Variants in MARCHF10 observed in about 807,000 individuals in gnomAD.
MARCHF10 encodes the protein probable E3 ubiquitin-protein ligase MARCHF10.
A neutral mutation model predicts 76.2 loss-of-function variants in MARCHF10; 64 were observed. That is an observed-to-expected ratio of 0.84 (90% CI 0.69 to 1.03). The LOEUF (loss-of-function observed/expected upper bound fraction) is 1.03, where lower values mean the gene tolerates loss of function less well. MARCHF10 is among the 50% of genes least tolerant of loss of function. MARCHF10 has a pLI of 0.00. For synonymous variants in MARCHF10, 340 were observed against 357.5 expected (o/e 0.95, Z 0.55); for missense variants, 875 against 958.0 (o/e 0.91, Z 1.14).
intron 4 of MARCHF10, among the ~76,000 whole-genome samples, chr17:62,746,387 G>A (rs1023628096): frequency 4.6e-5 from 7 of 152,118 alleles, no homozygotes; most frequent in African/African-American, 1.2e-4. Flanking sequence ...TTGGGATGGC[G>A]TAGGATGTTG....
At chr17:62,773,863 C>T (rs1334674273) in intron 3 of MARCHF10, among the ~76,000 whole-genome samples, 1 of 152,244 alleles carries the variant, frequency 6.6e-6, no homozygotes, top group Non-Finnish European at 1.5e-5. Context: ...CTTTCAGCGG[C>T]ATCACTTTTG....
At chr17:62,793,612 C>T (rs1322027326) in intron 2 of MARCHF10, among the ~76,000 whole-genome samples, 1 of 148,734 alleles carries the variant, frequency 6.7e-6, no homozygotes, top group East Asian at 2.0e-4. Flanking sequence ...CTATCACCAC[C>T]ACCACCTCCA....
chr17:62,793,835 CCAA>C (rs1266441721), intron 2 of MARCHF10, among the ~76,000 whole-genome samples: 26 of 150,022 alleles, frequency 1.7e-4, no homozygotes, highest in African/African-American at 3.4e-4. Flanking sequence ...TCCATCACCA[CCAA>C]CACCTCCATC....
intron 3 of MARCHF10, 92 bp downstream of exon 3, chr17:62,788,385 TGAG>T: frequency 1.3e-6 from 2 of 1,510,758 alleles, no homozygotes; most frequent in Admixed American, 1.8e-5. Flanking sequence ...ATCTCCTTTT[TGAG>T]TTGGCTTTTT....
chr17:62,790,475 C>T (rs1236345586), intron 2 of MARCHF10, among the ~76,000 whole-genome samples: 1 of 152,362 alleles, frequency 6.6e-6, no homozygotes, highest in East Asian at 1.9e-4. Context: ...CACACCCAGC[C>T]CAGTAAAACT....
intron 3 of MARCHF10, among the ~76,000 whole-genome samples, chr17:62,763,222 T>C (rs925643896): frequency 1.3e-5 from 2 of 152,208 alleles, no homozygotes; most frequent in Non-Finnish European, 2.9e-5. Context: ...ACTAGCTAAC[T>C]ACTGAACATT....
intron 4 of MARCHF10, 99 bp downstream of exon 4, chr17:62,759,736 G>A: frequency 8.0e-7 from 1 of 1,252,296 alleles, no homozygotes; most frequent in Non-Finnish European, 1.1e-6. Context: ...CTCTCAAAGT[G>A]CTGGGATTAC....
At chr17:62,755,669 C>T (rs777035753) in intron 4 of MARCHF10, among the ~76,000 whole-genome samples, 1 of 152,212 alleles carries the variant, frequency 6.6e-6, no homozygotes, top group Non-Finnish European at 1.5e-5. Flanking sequence ...GACTCACTGC[C>T]TGAATTTTCC....
chr17:62,796,392 C>T (rs1195023555), intron 2 of MARCHF10, among the ~76,000 whole-genome samples: 1 of 152,238 alleles, frequency 6.6e-6, no homozygotes, highest in Non-Finnish European at 1.5e-5. Flanking sequence ...CTGCTCCCTG[C>T]AAAGCAGTTA....
chr17:62,771,765 C>T (rs997625066), intron 3 of MARCHF10, among the ~76,000 whole-genome samples: 27 of 151,658 alleles, frequency 1.8e-4, no homozygotes, highest in Middle Eastern at 3.2e-3. Flanking sequence ...TTATTAGAGA[C>T]GGAGTTTTGC....
At chr17:62,747,039 C>A in intron 4 of MARCHF10, 1 of 1,207,340 alleles carries the variant, frequency 8.3e-7, no homozygotes. Flanking sequence ...TTTAAATATT[C>A]TAAAATTGCT....
chr17:62,801,533 G>C (rs2093073189), intron 2 of MARCHF10, 113 bp downstream of exon 2: 2 of 838,296 alleles, frequency 2.4e-6, no homozygotes, highest in Non-Finnish European at 4.0e-6. Context: ...CCTAATCGGT[G>C]GGTTTGGATT....
chr17:62,736,902 T>G lies in MARCHF10; in HGVS notation c.966A>C (p.Thr322=). The G allele has an allele frequency of 6.2e-7, 1 of 1,614,076 alleles. No individual in the cohort carries two copies. The highest frequency in any genetic ancestry group is 2.2e-5 in the East Asian group (1 of 44,880). ...TTTTATTTTTGGCCTGAGGGGTCGA[T>G]GTCCCCCCAAATCTACTTCTTTTGT... is the stretch of plus-strand genomic sequence containing the variant. ...SHHKRSRFGG[T]STPQAKNKNF... The change falls in exon 6 of 11, where the codon ACA becomes ACC. Residue 322 remains threonine, a synonymous_variant. Coordinates refer to ENST00000311269, the MANE Select transcript of MARCHF10 (RefSeq NM_152598.4).
chr17:62,773,861 G>A (rs539676408), intron 3 of MARCHF10, among the ~76,000 whole-genome samples: 15 of 152,296 alleles, frequency 9.8e-5, no homozygotes, highest in African/African-American at 2.4e-4. Context: ...GCCTTTCAGC[G>A]GCATCACTTT....
chr17:62,795,200 A>C (rs1443764195), intron 2 of MARCHF10: 2 of 202,864 alleles, frequency 9.9e-6, no homozygotes, highest in African/African-American at 2.4e-5. Context: ...CACTTTAAAG[A>C]ATCAAGATGA....
intron 5 of MARCHF10, among the ~76,000 whole-genome samples, chr17:62,743,612 C>T (rs2147857120): frequency 6.6e-6 from 1 of 152,230 alleles, no homozygotes; most frequent in East Asian, 1.9e-4. Flanking sequence ...CACTGCACTC[C>T]AGCCTGGGCA....
chr17:62,702,333 G>C (rs752920283), intron 10 of MARCHF10, among the ~76,000 whole-genome samples: 1 of 151,354 alleles, frequency 6.6e-6, no homozygotes, highest in Non-Finnish European at 1.5e-5. Flanking sequence ...CCCTTGGCTT[G>C]AGTGAATGCT....
At chr17:62,782,177 G>A (rs1393854472) in intron 3 of MARCHF10, among the ~76,000 whole-genome samples, 1 of 151,934 alleles carries the variant, frequency 6.6e-6, no homozygotes, top group Non-Finnish European at 1.5e-5. Flanking sequence ...GGATCTGTCT[G>A]ACCTTGGTTC....
intron 2 of MARCHF10, among the ~76,000 whole-genome samples, chr17:62,791,483 T>C (rs1248924531): frequency 6.6e-6 from 1 of 152,210 alleles, no homozygotes; most frequent in Non-Finnish European, 1.5e-5. Context: ...ACGACTTAAA[T>C]ATTTCTTTAC....
Sources: gnomAD v4.1 joint callset for allele counts (sites outside exome capture counted in the v4.1 genomes callset) on GRCh38, gnomAD v4.1.1 for gene constraint, MANE v1.5 for transcripts, NCBI Gene and HGNC (gene_info 2026-07-23, HGNC 2026-07-21) for gene names.